The following CADPS variants were observed in gnomAD, a reference collection of about 807,000 sequenced individuals.
The protein encoded by CADPS is calcium-dependent secretion activator 1.
A neutral mutation model predicts 167.3 loss-of-function variants in CADPS; 57 were observed. That is an observed-to-expected ratio of 0.34 (90% CI 0.28 to 0.42). The LOEUF is 0.42. CADPS is among the 20% of genes least tolerant of loss of function. The pLI, the probability that CADPS is intolerant of heterozygous loss-of-function variation, is 1.00. For synonymous variants in CADPS, 676 were observed against 635.3 expected (o/e 1.06, Z -0.96); for missense variants, 1,414 against 1,738.1 (o/e 0.81, Z 3.32).
rs1279370843 is a variant in CADPS, at chr3:62,867,566, T to C, written c.441+7023A>G. On this transcript the variant is annotated intron_variant, in intron 1 of 29. Transcript: ENST00000383710. ...GTAGCCTGGACCCCCATCTGGTTTA[T>C]AGGTAACACTCTAATGATAACTACC... Among the ~76,000 whole-genome samples the C allele has an allele frequency of 2.6e-5, 4 of 152,068 alleles. No individual in the cohort carries two copies. The East Asian group carries it at 5.8e-4, about 22-fold the overall frequency.
intron 3 of CADPS, among the ~76,000 whole-genome samples, chr3:62,734,649 T>A (rs2078619865): frequency 6.6e-6 from 1 of 152,232 alleles, no homozygotes; most frequent in Non-Finnish European, 1.5e-5. Flanking sequence ...GTCCTTCTTT[T>A]TAAAATTTAT....
intron 13 of CADPS, among the ~76,000 whole-genome samples, chr3:62,519,429 T>C (rs1344891761): frequency 6.6e-6 from 1 of 152,154 alleles, no homozygotes; most frequent in African/African-American, 2.4e-5. Context: ...TCCTTCTTTT[T>C]TGATAATAAA....
At chr3:62,653,048 C>T (rs547673308) in intron 4 of CADPS, among the ~76,000 whole-genome samples, 1 of 152,310 alleles carries the variant, frequency 6.6e-6, no homozygotes, top group Non-Finnish European at 1.5e-5. Flanking sequence ...CCCTGCATAA[C>T]TAACAGCCTT....
At chr3:62,644,586 C>A (rs551821258) in intron 6 of CADPS, among the ~76,000 whole-genome samples, 5 of 152,256 alleles carry the variant, frequency 3.3e-5, no homozygotes, top group African/African-American at 1.2e-4. Flanking sequence ...CATGGTATGG[C>A]CCTGCCTGCC....
At chr3:62,405,144 G>T (rs944517949) in intron 28 of CADPS, among the ~76,000 whole-genome samples, 3 of 150,332 alleles carry the variant, frequency 2.0e-5, no homozygotes, top group Non-Finnish European at 3.0e-5. Flanking sequence ...TCTGGGGGGG[G>T]GGGGGGCTCA....
chr3:62,733,060 T>C (rs532753235), intron 3 of CADPS, among the ~76,000 whole-genome samples: 25 of 152,336 alleles, frequency 1.6e-4, no homozygotes, highest in African/African-American at 6.0e-4. Context: ...CTTGCAAATG[T>C]AAACTAGGCA....
chr3:62,862,406 A>C lies in CADPS; in HGVS notation c.441+12183T>G, dbSNP rs970571666. 2.0e-5 allele frequency among the ~76,000 whole-genome samples: 3 copies of C among 151,918 alleles called. No individual in the cohort carries two copies. In the East Asian group the frequency reaches 5.8e-4, roughly 30 times the overall value. On this transcript the variant is annotated intron_variant, in intron 1 of 29. Coordinates refer to ENST00000383710, the MANE Select transcript of CADPS (RefSeq NM_003716.4). ...TAATTTTTATATTTTTAGTAGAGAC[A>C]GGGTTTCACCACGTTGGCCAGGATG...
chr3:62,745,234 A>T (rs2081202065), intron 3 of CADPS, among the ~76,000 whole-genome samples: 1 of 151,866 alleles, frequency 6.6e-6, no homozygotes, highest in South Asian at 2.1e-4. Context: ...GCCCAGCTAA[A>T]TTATTTTGTA....
chr3:62,764,549 C>T (rs1281571143), intron 2 of CADPS, among the ~76,000 whole-genome samples: 4 of 152,172 alleles, frequency 2.6e-5, no homozygotes, highest in Non-Finnish European at 5.9e-5. Flanking sequence ...CTATTAAATG[C>T]TAATTAGCAA....
intron 23 of CADPS, among the ~76,000 whole-genome samples, chr3:62,475,251 T>C (rs1225095755): frequency 6.6e-6 from 1 of 152,128 alleles, no homozygotes; most frequent in Non-Finnish European, 1.5e-5. Context: ...GACATCAGCA[T>C]TGTAAAAGGG....
chr3:62,431,624 A>G (rs987308838), intron 28 of CADPS, among the ~76,000 whole-genome samples: 10 of 151,998 alleles, frequency 6.6e-5, no homozygotes, highest in African/African-American at 2.4e-4. Context: ...AGTCCCTATA[A>G]CAAGTCAAGA....
chr3:62,502,555 A>C (rs1017665824), intron 17 of CADPS, among the ~76,000 whole-genome samples: 1 of 147,632 alleles, frequency 6.8e-6, no homozygotes, highest in Non-Finnish European at 1.5e-5. Context: ...ATAGCTAGAC[A>C]AAAAATATGT....
chr3:62,434,502 T>A (rs1027417201), intron 28 of CADPS, among the ~76,000 whole-genome samples: 2 of 152,222 alleles, frequency 1.3e-5, no homozygotes, highest in African/African-American at 4.8e-5. Flanking sequence ...TATGTCCAAA[T>A]GTATTTCTCC....
At chr3:62,675,169 G>C (rs781193895) in intron 3 of CADPS, among the ~76,000 whole-genome samples, 7 of 152,000 alleles carry the variant, frequency 4.6e-5, no homozygotes, top group Non-Finnish European at 8.8e-5. Flanking sequence ...TAGCTTTCAG[G>C]CTCAGTGTGA....
intron 1 of CADPS, among the ~76,000 whole-genome samples, chr3:62,795,470 C>G (rs2093342728): frequency 6.6e-6 from 1 of 152,162 alleles, no homozygotes. Flanking sequence ...ATTAAATCAA[C>G]AAATACATAA....
In CADPS at chr3:62,610,391, C is replaced by T. The variant is rs774755125; in HGVS notation, c.1326-17643G>A. On this transcript the variant is annotated intron_variant, in intron 6 of 29. Coordinates refer to ENST00000383710, the MANE Select transcript of CADPS (RefSeq NM_003716.4). ...TCAGCCTTCCCAGTAGCTGGGATTA[C>T]AGGCACCCACCAACAGGCCTGGATC... Among the ~76,000 whole-genome samples the T allele has an allele frequency of 7.9e-5, 12 of 152,192 alleles. No individual in the cohort carries two copies. The South Asian group carries it at 1.7e-3, about 21-fold the overall frequency.
intron 4 of CADPS, among the ~76,000 whole-genome samples, chr3:62,658,154 C>T (rs1247313583): frequency 2.0e-5 from 3 of 152,146 alleles, no homozygotes; most frequent in African/African-American, 7.2e-5. Flanking sequence ...TGGAATTAGA[C>T]AACTCAGTTT....
At chr3:62,659,602 A>C (rs1038621874) in intron 4 of CADPS, among the ~76,000 whole-genome samples, 8 of 152,228 alleles carry the variant, frequency 5.3e-5, no homozygotes, top group African/African-American at 1.4e-4. Context: ...GAAGAAGTGC[A>C]CATTGCTACA....
chr3:62,541,813 T>A (rs2152107643), intron 11 of CADPS, among the ~76,000 whole-genome samples: 1 of 152,254 alleles, frequency 6.6e-6, no homozygotes, highest in South Asian at 2.1e-4. Context: ...CCCTCACAAA[T>A]GAAAACCATA....
Sources: allele counts gnomAD v4.1 joint callset (sites outside exome capture counted in the v4.1 genomes callset), GRCh38; gene constraint gnomAD v4.1.1; transcripts MANE v1.5; gene names NCBI Gene and HGNC (gene_info 2026-07-23, HGNC 2026-07-21).